RPRD1A: variants seen among roughly 807,000 people sequenced by gnomAD.
RPRD1A encodes the protein regulation of nuclear pre-mRNA domain-containing protein 1A.
RPRD1A carries 9 observed loss-of-function variants against 37.8 expected under a neutral mutation model. The ratio of observed to expected loss-of-function variants is 0.24; its 90% confidence interval spans 0.14 to 0.42. The LOEUF is 0.42. Among genes scored for constraint, RPRD1A ranks in the 10% least tolerant of loss-of-function variants. The pLI is 1.00. For synonymous variants in RPRD1A, 138 were observed against 139.7 expected (o/e 0.99, Z 0.08); for missense variants, 255 against 371.0 (o/e 0.69, Z 2.57).
chr18:36,041,592 A>C (rs1912583578), intron 1 of RPRD1A, among the ~76,000 whole-genome samples: 1 of 152,236 alleles, frequency 6.6e-6, no homozygotes, highest in African/African-American at 2.4e-5. Flanking sequence ...GGCAAAAATG[A>C]AAGGTCTGTG....
chr18:36,021,138 CCA>C (rs1345974990), intron 6 of RPRD1A, among the ~76,000 whole-genome samples: 2 of 152,118 alleles, frequency 1.3e-5, no homozygotes, highest in African/African-American at 4.8e-5. Context: ...TTTGAAACAT[CCA>C]CAGAGCTGCA....
chr18:36,026,149 C>T (rs1911351360), intron 6 of RPRD1A: 1 of 152,392 alleles, frequency 6.6e-6, no homozygotes. Flanking sequence ...CATGACATTC[C>T]TACAAATTTA....
At chr18:36,030,932 A>C (rs1911735705) in intron 3 of RPRD1A, 27 bp from the exon 4 acceptor site, 1 of 1,598,726 alleles carries the variant, frequency 6.3e-7, no homozygotes, top group Admixed American at 1.7e-5. Context: ...TTTAAGTATT[A>C]ATGAAAGAAT....
chr18:36,060,168 G>C (rs879303580), intron 1 of RPRD1A, among the ~76,000 whole-genome samples: 53 of 151,978 alleles, frequency 3.5e-4, no homozygotes, highest in Admixed American at 2.2e-3. Context: ...GTGGTGGCTC[G>C]CGCTTGTAAT....
chr18:36,037,826 T>C (rs1311778298), intron 1 of RPRD1A, among the ~76,000 whole-genome samples: 1 of 152,206 alleles, frequency 6.6e-6, no homozygotes, highest in Non-Finnish European at 1.5e-5. Flanking sequence ...ACTCTCACTA[T>C]GCTTTAGCAA....
chr18:36,017,007 G>A (rs1475820770), intron 6 of RPRD1A, among the ~76,000 whole-genome samples: 1 of 147,392 alleles, frequency 6.8e-6, no homozygotes, highest in Non-Finnish European at 1.5e-5. Flanking sequence ...TACTACTTTT[G>A]CAATAAAAAA....
chr18:36,008,569 T>TTGTGTGTGTGTG lies in RPRD1A; in HGVS notation c.790-15270_790-15269insCACACACACACA, dbSNP rs138413588. Among the ~76,000 whole-genome samples the TTGTGTGTGTGTG allele has an allele frequency of 1.7e-3, 94 of 56,058 alleles. 11 individuals are homozygous for TTGTGTGTGTGTG. Among genetic ancestry groups the TTGTGTGTGTGTG allele is most frequent in the East Asian group, 0.014 (34 of 2,468 alleles). The allele number at this position is 56,058 out of a possible 152,430, so 36.8% of individuals were successfully genotyped here. The stretch of plus-strand genomic sequence containing the variant: ...CTAGCCTGGGCGACACAGCAAGACC[T>TTGTGTGTGTGTG]TGTGTGTGTATATATATATATCTTT... On this transcript the variant is annotated intron_variant, in intron 6 of 6. Coordinates refer to ENST00000399022, the MANE Select transcript of RPRD1A (RefSeq NM_018170.5).
chr18:35,997,811 A>C (rs1482142210), intron 6 of RPRD1A, among the ~76,000 whole-genome samples: 1 of 152,248 alleles, frequency 6.6e-6, no homozygotes. Context: ...ACCAACACCT[A>C]GATCAAGATA....
intron 1 of RPRD1A, among the ~76,000 whole-genome samples, chr18:36,043,196 C>CGGG (rs34464375): frequency 0.028 from 1,851 of 65,292 alleles, 53 homozygotes; most frequent in African/African-American, 0.047. Flanking sequence ...CAAGAAGAAT[C>CGGG]GGGGGGGGGG....
intron 6 of RPRD1A, among the ~76,000 whole-genome samples, chr18:35,997,085 T>G (rs1004008737): frequency 6.6e-6 from 1 of 152,010 alleles, no homozygotes; most frequent in African/African-American, 2.4e-5. Flanking sequence ...TATATAGAAT[T>G]TTTATGATAT....
At chr18:36,039,167 T>C (rs1912408581) in intron 1 of RPRD1A, among the ~76,000 whole-genome samples, 1 of 152,048 alleles carries the variant, frequency 6.6e-6, no homozygotes, top group South Asian at 2.1e-4. Context: ...CACCCAAATC[T>C]CATGTCAAAT....
chr18:36,048,667 C>G (rs190965014), intron 1 of RPRD1A, among the ~76,000 whole-genome samples: 64 of 149,726 alleles, frequency 4.3e-4, no homozygotes, highest in Middle Eastern at 7.0e-3. Flanking sequence ...AAAAAAAAAA[C>G]CTACAGCTAA....
Position 36,067,441 on chromosome 18 carries a change from G to A in RPRD1A, c.-37C>T. ...CACGTTCACGCCGTCCCACGCGGTG[G>A]GGCCGAGGGGAGGAGAGTTTCGCCG... On this transcript the variant is annotated 5_prime_UTR_variant, in exon 1 of 7. Coordinates refer to ENST00000399022, the MANE Select transcript of RPRD1A (RefSeq NM_018170.5). 1 of 1,583,088 alleles carries A rather than the reference G, an allele frequency of 6.3e-7. No homozygotes were observed. Among genetic ancestry groups the A allele is most frequent in the Non-Finnish European group, 8.6e-7 (1 of 1,163,646 alleles).
intron 6 of RPRD1A, among the ~76,000 whole-genome samples, chr18:36,013,406 T>G (rs1910300665): frequency 6.6e-6 from 1 of 152,106 alleles, no homozygotes; most frequent in Non-Finnish European, 1.5e-5. Context: ...ATACCTATAA[T>G]AAGATTTAAG....
intron 6 of RPRD1A, among the ~76,000 whole-genome samples, chr18:36,024,028 C>G (rs1435918423): frequency 6.6e-6 from 1 of 152,096 alleles, no homozygotes; most frequent in Non-Finnish European, 1.5e-5. Context: ...AACTGAAAAA[C>G]AGTTTATGCA....
chr18:36,067,371 T>G lies in RPRD1A; in HGVS notation c.34A>C (p.Lys12Gln). 6.2e-7 allele frequency: 1 copy of G among 1,608,150 alleles called. No homozygotes were observed. Among genetic ancestry groups the G allele is most frequent in the Non-Finnish European group, 8.5e-7 (1 of 1,177,530 alleles). Residue 12 changes from lysine (K) to glutamine (Q), a missense_variant, in exon 1 of 7, where the codon AAG becomes CAG. Around this residue, in one of 2 missense-constraint regions of RPRD1A, gnomAD observed 44 missense variants for 102.1 expected, o/e 0.43. Transcript: ENST00000399022. The part of the protein sequence containing the change: ...SAFSEAALEK[K>Q]LSELSNSQQS... ...TGCGAGTTGCTCAACTCCGACAGCT[T>G]CTTCTCCAGCGCCGCCTCAGAGAAG...
chr18:36,042,929 T>C (rs908101772), intron 1 of RPRD1A, among the ~76,000 whole-genome samples: 3 of 152,082 alleles, frequency 2.0e-5, no homozygotes, highest in African/African-American at 7.2e-5. Context: ...ACCTTGCAAA[T>C]TTTACTTCTA....
At chr18:36,033,054 A>G (rs1204251218) in intron 2 of RPRD1A, among the ~76,000 whole-genome samples, 1 of 152,216 alleles carries the variant, frequency 6.6e-6, no homozygotes, top group Non-Finnish European at 1.5e-5. Context: ...TTGTAATCCC[A>G]GCACTTTGGG....
chr18:36,005,124 AC>A (rs1298485395), intron 6 of RPRD1A, among the ~76,000 whole-genome samples: 4 of 151,820 alleles, frequency 2.6e-5, no homozygotes, highest in Admixed American at 2.0e-4. Context: ...ACACGGTGAA[AC>A]CCCGTCTCCG....
Sources: gnomAD v4.1 joint callset for allele counts (sites outside exome capture counted in the v4.1 genomes callset) on GRCh38, gnomAD v4.1.1 for gene constraint, gnomAD v4.1.1 regional missense constraint, MANE v1.5 for transcripts, NCBI Gene and HGNC (gene_info 2026-07-23, HGNC 2026-07-21) for gene names.